Variants in VDAC1 observed in about 807,000 individuals in gnomAD.
VDAC1 encodes non-selective voltage-gated ion channel VDAC1.
Under a neutral mutation model 34.7 loss-of-function variants are expected in VDAC1, and 10 were observed. The observed-to-expected ratio is 0.29, with a 90% CI of 0.18 to 0.49. The LOEUF is 0.49. Among genes scored for constraint, VDAC1 ranks in the 20% least tolerant of loss-of-function variants. VDAC1 has a pLI of 0.99. For synonymous variants in VDAC1, 130 were observed against 136.0 expected, an observed-to-expected ratio of 0.96 and a Z score of 0.30; for missense variants, 230 against 347.9, an observed-to-expected ratio of 0.66 and a Z score of 2.69.
the VDAC1 span, among the ~76,000 whole-genome samples, chr5:134,034,007 G>C: frequency 6.6e-6 from 1 of 151,700 alleles, no homozygotes; most frequent in Non-Finnish European, 1.5e-5. Flanking sequence ...AAAAAGAAAA[G>C]AACCGAAATA....
the VDAC1 span, among the ~76,000 whole-genome samples, chr5:134,098,385 C>CCACCACCATGACT: frequency 1.3e-5 from 2 of 151,548 alleles, no homozygotes; most frequent in Admixed American, 1.3e-4. Flanking sequence ...CCACCATGAC[C>CCACCACCATGACT]GGCTAATTTT....
rs181549977 is a variant in VDAC1 at position 133,992,990 on chromosome 5, G to A, written c.23C>T (p.Ala8Val). The A allele has an allele frequency of 3.1e-6, 5 of 1,613,318 alleles. No individual in the cohort carries two copies. In the African/African-American group the frequency reaches 6.7e-5, roughly 22 times the overall value. Residue 8 changes from alanine (A) to valine (V), a missense_variant, in exon 2 of 9, where the codon GCC becomes GTC. Physicochemically the swap from Ala to Val is moderately conservative, Grantham distance 64. Transcript: ENST00000265333. ...ATCCCTGGCAGATTTGCCAAGATCGGCATACGTGGGTGGCACAGCCATCTT... is the reference window on the plus strand; with the variant it reads ...ATCCCTGGCAGATTTGCCAAGATCGACATACGTGGGTGGCACAGCCATCTT... MAVPPTYADLGKSARDVF... is the reference protein window; with the variant it reads MAVPPTYVDLGKSARDVF...
At chr5:134,047,014 A>G in the VDAC1 span, among the ~76,000 whole-genome samples, 7 of 152,342 alleles carry the variant, frequency 4.6e-5, no homozygotes, top group African/African-American at 1.4e-4. Flanking sequence ...TAATTCAGGT[A>G]GAAGTGGGAG....
intron 5 of VDAC1, among the ~76,000 whole-genome samples, chr5:133,990,405 T>C (rs1245967588): frequency 6.6e-6 from 1 of 152,228 alleles, no homozygotes; most frequent in African/African-American, 2.4e-5. Flanking sequence ...CTAACTCACA[T>C]GAAATGGCTA....
chr5:134,030,919 C>A, the VDAC1 span, among the ~76,000 whole-genome samples: 1 of 152,064 alleles, frequency 6.6e-6, no homozygotes, highest in Non-Finnish European at 1.5e-5. Flanking sequence ...AGCCTCTCTG[C>A]AGCTTTCTGT....
At chr5:134,062,828 T>C in the VDAC1 span, among the ~76,000 whole-genome samples, 2 of 151,758 alleles carry the variant, frequency 1.3e-5, no homozygotes, top group African/African-American at 4.8e-5. Context: ...GGTTTCACCA[T>C]GTTAGCCAGG....
the VDAC1 span, among the ~76,000 whole-genome samples, chr5:134,024,530 A>G: frequency 6.6e-6 from 1 of 150,754 alleles, no homozygotes; most frequent in Admixed American, 6.6e-5. Flanking sequence ...CCCTGTCTCA[A>G]AAAAAAAAAG....
chr5:134,100,496 G>T, the VDAC1 span, among the ~76,000 whole-genome samples: 83 of 152,308 alleles, frequency 5.4e-4, no homozygotes, highest in Middle Eastern at 3.4e-3. Flanking sequence ...CTGTGATCTA[G>T]ATCTGGGCTC....
At chr5:134,109,484 A>G in the VDAC1 span, among the ~76,000 whole-genome samples, 3 of 152,118 alleles carry the variant, frequency 2.0e-5, no homozygotes, top group African/African-American at 4.8e-5. Context: ...ACTTAGAGAC[A>G]CCTGGCCAGG....
the VDAC1 span, among the ~76,000 whole-genome samples, chr5:134,114,389 C>T: frequency 6.6e-6 from 1 of 152,246 alleles, no homozygotes; most frequent in Admixed American, 6.5e-5. Context: ...CCTAGGGGAC[C>T]CCCGCCCTCC....
At chr5:134,043,167 C>T in the VDAC1 span, among the ~76,000 whole-genome samples, 2 of 152,212 alleles carry the variant, frequency 1.3e-5, no homozygotes, top group East Asian at 1.9e-4. Context: ...GTGGGCCTGT[C>T]GGCCTGGCAA....
chr5:134,108,016 T>G, the VDAC1 span, among the ~76,000 whole-genome samples: 1 of 152,078 alleles, frequency 6.6e-6, no homozygotes, highest in Non-Finnish European at 1.5e-5. Flanking sequence ...GGAGACTCAC[T>G]CACAGGAAAC....
the VDAC1 span, among the ~76,000 whole-genome samples, chr5:134,049,183 T>G: frequency 6.6e-6 from 1 of 152,222 alleles, no homozygotes; most frequent in African/African-American, 2.4e-5. Context: ...CCTAATAGTA[T>G]GTATCACTGA....
At chr5:134,068,548 T>C in the VDAC1 span, among the ~76,000 whole-genome samples, 1 of 152,334 alleles carries the variant, frequency 6.6e-6, no homozygotes, top group Admixed American at 6.5e-5. Context: ...TTGTTGCTAA[T>C]GAGAAGGCTG....
the VDAC1 span, among the ~76,000 whole-genome samples, chr5:134,073,968 G>A: frequency 1.3e-5 from 2 of 152,128 alleles, no homozygotes; most frequent in Non-Finnish European, 2.9e-5. Context: ...AAAATGTTAT[G>A]TTTTTTCCCA....
At chr5:134,112,803 A>G in the VDAC1 span, among the ~76,000 whole-genome samples, 4 of 152,222 alleles carry the variant, frequency 2.6e-5, no homozygotes, top group Non-Finnish European at 5.9e-5. Flanking sequence ...AAAACAAAAC[A>G]AAAAGAACCT....
chr5:134,058,712 T>A, the VDAC1 span, among the ~76,000 whole-genome samples: 3 of 151,890 alleles, frequency 2.0e-5, no homozygotes, highest in East Asian at 3.9e-4. Flanking sequence ...CAGGGCCAGA[T>A]AGGGAACAGA....
At chr5:133,988,743 G>A (rs1291520548) in intron 5 of VDAC1, 1 of 148,378 alleles carries the variant, frequency 6.7e-6, no homozygotes, top group Non-Finnish European at 1.5e-5. Context: ...CAGCCTGGGC[G>A]ACAGAGCAAG....
chr5:134,080,641 A>T, the VDAC1 span, among the ~76,000 whole-genome samples: 30 of 152,296 alleles, frequency 2.0e-4, no homozygotes, highest in African/African-American at 7.2e-4. Context: ...ATGAGTTGAC[A>T]TTTATTGTGC....
Sources: allele counts gnomAD v4.1 joint callset (sites outside exome capture counted in the v4.1 genomes callset), GRCh38; gene constraint gnomAD v4.1.1; transcripts MANE v1.5; gene names NCBI Gene and HGNC (gene_info 2026-07-23, HGNC 2026-07-21).